The following PATJ variants were observed in gnomAD, a reference collection of about 807,000 sequenced individuals.
PATJ encodes the protein inaD-like protein.
In PATJ, 190 loss-of-function variants were observed where a neutral mutation model predicts 224.9. The ratio of observed to expected loss-of-function variants is 0.84; its 90% CI spans 0.75 to 0.95. The LOEUF (loss-of-function observed/expected upper bound fraction) is 0.95, where lower values mean the gene tolerates loss of function less well. PATJ is among the 40% of genes least tolerant of loss of function. The pLI, the probability that PATJ is intolerant of heterozygous loss-of-function variation, is 0.00. For missense variants in PATJ, 2,121 were observed against 2,270.3 expected, an observed-to-expected ratio of 0.93 and a Z score of 1.34; for synonymous variants, 769 against 820.3, an observed-to-expected ratio of 0.94 and a Z score of 1.07.
intron 16 of PATJ, among the ~76,000 whole-genome samples, chr1:61,831,585 A>G (rs2148782134): frequency 6.6e-6 from 1 of 152,356 alleles, no homozygotes; most frequent in Middle Eastern, 3.4e-3. Context: ...AAAAATGCTT[A>G]ATAGCACTGA....
Position 62,106,156 on chromosome 1 carries a change from GTGTATA to G in PATJ, c.4378-2279_4378-2274del, listed in dbSNP as rs1296604339. 3.8e-4 allele frequency among the ~76,000 whole-genome samples: 21 copies of G among 54,872 alleles called. 4 individuals are homozygous for G. Among genetic ancestry groups the G allele is most frequent in the Middle Eastern group, 0.021 (2 of 94 alleles). 36.0% of individuals were successfully genotyped at this position (54,872 alleles called of 152,430 possible). A position where few individuals can be genotyped will look rare whatever the true frequency, so the allele number is the denominator to read the frequency against. Reference sequence around the variant, plus strand: ...TATACATGTGTATATGTGTGTGTGTGTGTATATATATATATATATATATATATATAT... The same window carrying G: ...TATACATGTGTATATGTGTGTGTGTGTATATATATATATATATATATATAT... On this transcript the variant is annotated intron_variant, in intron 33 of 43. Coordinates refer to ENST00000642238, the MANE Select transcript of PATJ (RefSeq NM_001350145.3).
intron 41 of PATJ, among the ~76,000 whole-genome samples, chr1:62,133,988 C>T (rs746779757): frequency 1.1e-3 from 167 of 152,018 alleles, no homozygotes; most frequent in Middle Eastern, 3.4e-3. Flanking sequence ...TCAGGTGATC[C>T]GCCTGCCTTG....
intron 27 of PATJ, among the ~76,000 whole-genome samples, chr1:61,940,304 A>G (rs757076977): frequency 2.0e-5 from 3 of 152,186 alleles, no homozygotes; most frequent in African/African-American, 4.8e-5. Flanking sequence ...ATGCATTTAT[A>G]TAAGAAGTGG....
chr1:62,139,120 G>C (rs2017405), intron 41 of PATJ, among the ~76,000 whole-genome samples: 56,234 of 151,790 alleles, frequency 0.37, 12,399 homozygotes, highest in East Asian at 0.71. Flanking sequence ...GAGCAAACTG[G>C]CCGGGCACGG....
intron 27 of PATJ, among the ~76,000 whole-genome samples, chr1:61,958,633 T>A (rs1045353239): frequency 2.1e-4 from 32 of 152,206 alleles, no homozygotes; most frequent in African/African-American, 7.7e-4. Context: ...ACTGTGACCC[T>A]ATATACGGCC....
At chr1:61,883,011 G>T (rs1668311854) in intron 21 of PATJ, among the ~76,000 whole-genome samples, 1 of 151,838 alleles carries the variant, frequency 6.6e-6, no homozygotes, top group Non-Finnish European at 1.5e-5. Flanking sequence ...CAATATATGT[G>T]GACATACCCA....
At chr1:62,042,837 G>A (rs957272888) in intron 30 of PATJ, among the ~76,000 whole-genome samples, 1 of 151,944 alleles carries the variant, frequency 6.6e-6, no homozygotes, top group Non-Finnish European at 1.5e-5. Flanking sequence ...TGTAGAGACA[G>A]GATCTCGCCA....
chr1:61,742,964 C>A (rs750457218), intron 1 of PATJ, among the ~76,000 whole-genome samples: 2 of 152,126 alleles, frequency 1.3e-5, no homozygotes, highest in Non-Finnish European at 2.9e-5. Context: ...TGGCACGGAT[C>A]CTATTTTGCG....
At chr1:61,981,673 C>CTT (rs775417916) in intron 27 of PATJ, among the ~76,000 whole-genome samples, 2 of 138,606 alleles carry the variant, frequency 1.4e-5, no homozygotes. Context: ...TGTTGTGATT[C>CTT]TTTTTTTTTT....
chr1:62,152,711 T>C (rs1447141724), intron 42 of PATJ, among the ~76,000 whole-genome samples: 1 of 152,050 alleles, frequency 6.6e-6, no homozygotes, highest in African/African-American at 2.4e-5. Context: ...GAGCTGATGT[T>C]ATCTGTTATG....
intron 16 of PATJ, among the ~76,000 whole-genome samples, chr1:61,831,552 A>G (rs911356522): frequency 4.6e-5 from 7 of 152,242 alleles, no homozygotes; most frequent in Non-Finnish European, 8.8e-5. Flanking sequence ...AAGAAGACAT[A>G]TACGTGGCCA....
At chr1:62,137,710 A>G (rs1217045879) in intron 41 of PATJ, among the ~76,000 whole-genome samples, 1 of 151,432 alleles carries the variant, frequency 6.6e-6, no homozygotes, top group Non-Finnish European at 1.5e-5. Context: ...ACACAGATTG[A>G]GAGGGAAGCA....
rs1454529822 is a variant in PATJ, at chr1:61,854,976, T to C, written c.2113-1054T>C. ...TGGAATAGTTGTGACCTAAGGGTACTATATCATAATTTTAGGTCACATTAT... is the reference window on the plus strand; with the variant it reads ...TGGAATAGTTGTGACCTAAGGGTACCATATCATAATTTTAGGTCACATTAT... On this transcript the variant is annotated intron_variant, in intron 17 of 43. Transcript: ENST00000642238. 3.3e-5 allele frequency among the ~76,000 whole-genome samples: 5 copies of C among 152,224 alleles called. No homozygotes were observed. In the South Asian group the frequency reaches 1.0e-3, roughly 31 times the overall value.
chr1:62,046,013 C>T (rs1652473256), intron 30 of PATJ, among the ~76,000 whole-genome samples: 1 of 152,068 alleles, frequency 6.6e-6, no homozygotes, highest in Non-Finnish European at 1.5e-5. Flanking sequence ...CCAGCCAGGG[C>T]AGCATGGTGA....
chr1:62,160,532 T>C (rs1669743208), intron 43 of PATJ, among the ~76,000 whole-genome samples: 1 of 152,208 alleles, frequency 6.6e-6, no homozygotes, highest in African/African-American at 2.4e-5. Flanking sequence ...GCAGTAAGAC[T>C]AACACCAGAT....
At chr1:61,769,096 ACT>A (rs1288308165) in intron 4 of PATJ, among the ~76,000 whole-genome samples, 185 bp from the exon 5 acceptor site, 1 of 152,144 alleles carries the variant, frequency 6.6e-6, no homozygotes, top group Non-Finnish European at 1.5e-5. Flanking sequence ...CACTGCACAC[ACT>A]CTCTCTTACG....
At chr1:61,791,201 C>A (rs762441615) in intron 8 of PATJ, 147 bp from the exon 9 acceptor site, 7 of 501,774 alleles carry the variant, frequency 1.4e-5, no homozygotes, top group Non-Finnish European at 2.5e-5. Context: ...ATGGGAGTAG[C>A]ACCAGGAATT....
chr1:62,132,421 C>G (rs1666357419), intron 41 of PATJ, among the ~76,000 whole-genome samples: 1 of 152,026 alleles, frequency 6.6e-6, no homozygotes, highest in African/African-American at 2.4e-5. Flanking sequence ...TCGCTTGAAC[C>G]CCAGGGGCAG....
intron 1 of PATJ, among the ~76,000 whole-genome samples, chr1:61,759,560 C>A (rs1244428497): frequency 1.3e-5 from 2 of 152,112 alleles, no homozygotes; most frequent in Non-Finnish European, 2.9e-5. Flanking sequence ...TAGGCGTCTG[C>A]CACCACGCCC....
Sources: gnomAD v4.1 joint callset for allele counts (sites outside exome capture counted in the v4.1 genomes callset) on GRCh38, gnomAD v4.1.1 for gene constraint, MANE v1.5 for transcripts, NCBI Gene and HGNC (gene_info 2026-07-23, HGNC 2026-07-21) for gene names.